The following SACM1L variants were observed in gnomAD, a reference collection of about 807,000 sequenced individuals.
SACM1L encodes phosphatidylinositol-3-phosphatase SAC1.
A neutral mutation model predicts 89.5 loss-of-function variants in SACM1L; 32 were observed. The observed-to-expected ratio is 0.36, with a 90% CI of 0.27 to 0.48. The LOEUF (loss-of-function observed/expected upper bound fraction) is 0.48, where lower values mean the gene tolerates loss of function less well. SACM1L is among the 20% of genes least tolerant of loss of function. The pLI is 0.99. For synonymous variants in SACM1L, 213 were observed against 232.8 expected (o/e 0.92, Z 0.77); for missense variants, 543 against 708.5 (o/e 0.77, Z 2.65).
At chr3:45,691,598 G>GTT (rs58820120) in intron 1 of SACM1L, among the ~76,000 whole-genome samples, 71,505 of 149,922 alleles carry the variant, frequency 0.48, 17,481 homozygotes, top group Middle Eastern at 0.57. Context: ...TGAAATGCTT[G>GTT]TTTTTTTTTT....
intron 4 of SACM1L, among the ~76,000 whole-genome samples, chr3:45,708,054 A>G (rs1473246366): frequency 1.3e-5 from 2 of 149,872 alleles, no homozygotes; most frequent in Non-Finnish European, 2.9e-5. Flanking sequence ...TAATATCTAT[A>G]ACTAATATCT....
chr3:45,730,521 C>G (rs1699026135), intron 11 of SACM1L: 1 of 152,210 alleles, frequency 6.6e-6, no homozygotes, highest in Non-Finnish European at 1.5e-5. Context: ...AATGAGAGAA[C>G]AACCCTGTCC....
In SACM1L at chr3:45,713,165, A is replaced by G. The variant is rs1347922110; in HGVS notation, c.512A>G (p.His171Arg). ...GATCAGCGGTTTGTATGGAATGGTC[A>G]TCTTCTAAGAGAACTTTCTGCACAG... ...RADQRFVWNGHLLRELSAQPE... is the reference protein window; with the variant it reads ...RADQRFVWNGRLLRELSAQPE... Residue 171 changes from histidine (H) to arginine (R), a missense_variant, in exon 6 of 20, where the codon CAT becomes CGT. By Grantham distance (29) the His-to-Arg change is conservative (BLOSUM62 0). Coordinates refer to ENST00000389061, the MANE Select transcript of SACM1L (RefSeq NM_014016.5). 9 of 1,612,792 alleles carry G rather than the reference A, an allele frequency of 5.6e-6. No individual in the cohort carries two copies. The highest frequency in any genetic ancestry group is 4.0e-5 in the African/African-American group (3 of 74,898).
At position 45,722,937 on chromosome 3, in the gene SACM1L, C is replaced by A; in HGVS notation, c.834C>A (p.Ile278=). The A allele has an allele frequency of 6.2e-7, 1 of 1,613,530 alleles. No homozygotes were observed. Among genetic ancestry groups the A allele is most frequent in the East Asian group, 2.2e-5 (1 of 44,842 alleles). ...TCAAGTACAAACCACTGCCACAGATCAGCAAAGTAGCAAATCACGTGTGTA... is the reference window on the plus strand; with the variant it reads ...TCAAGTACAAACCACTGCCACAGATAAGCAAAGTAGCAAATCACGTGTGTA... ...PNLKYKPLPQ[I]SKVANHMDGF... Residue 278 remains isoleucine, a synonymous_variant, in exon 10 of 20, where the codon ATC becomes ATA. Transcript: ENST00000389061.
intron 5 of SACM1L, 71 bp from the exon 6 acceptor site, chr3:45,713,066 G>T: frequency 8.2e-7 from 1 of 1,221,346 alleles, no homozygotes; most frequent in Non-Finnish European, 1.2e-6. Flanking sequence ...GACATTGATT[G>T]GTGTAGTTTT....
intron 8 of SACM1L, 97 bp from the exon 9 acceptor site, chr3:45,721,903 T>C: frequency 1.3e-6 from 1 of 759,924 alleles, no homozygotes; most frequent in Non-Finnish European, 2.2e-6. Flanking sequence ...TAACTTGAAC[T>C]GACTTAATTC....
At position 45,743,866 on chromosome 3, in the gene SACM1L, T is replaced by C. The variant is rs577252554; in HGVS notation, c.*197T>C. The stretch of plus-strand genomic sequence containing the variant: ...ATGGTCTCTTTACTATTGGGACAGT[T>C]AGATTTATAATTTGAAGCTATTCTG... On this transcript the variant is annotated 3_prime_UTR_variant, in exon 20 of 20. Coordinates refer to ENST00000389061, the MANE Select transcript of SACM1L (RefSeq NM_014016.5). 4.4e-4 allele frequency: 196 copies of C among 444,390 alleles called. No individual in the cohort carries two copies. The highest frequency in any genetic ancestry group is 7.4e-4 in the South Asian group (11 of 14,808). 27.5% of individuals were successfully genotyped at this position (444,390 alleles called of 1,614,324 possible).
chr3:45,696,616 C>G (rs111669203), intron 1 of SACM1L, among the ~76,000 whole-genome samples: 1 of 151,912 alleles, frequency 6.6e-6, no homozygotes, highest in Non-Finnish European at 1.5e-5. Flanking sequence ...TCTCCGCATC[C>G]TAGCCAACAC....
chr3:45,739,479 AG>A, intron 18 of SACM1L, 107 bp from the exon 19 acceptor site: 1 of 932,710 alleles, frequency 1.1e-6, no homozygotes, highest in Admixed American at 1.7e-5. Flanking sequence ...GCTGTGTATT[AG>A]CTGACAGATG....
chr3:45,709,644 A>G lies in SACM1L; in HGVS notation c.480A>G (p.Glu160=), dbSNP rs1272734197. The change falls in exon 5 of 20, where the codon GAA becomes GAG. Residue 160 remains glutamate, a synonymous_variant. Transcript: ENST00000389061. ...AATTCCAAGAAATGAGTCTCTTGGA[A>G]AGGGTAAGCTTGATCTTCAATTATT... The part of the protein sequence containing the change: ...SPEFQEMSLL[E]RADQRFVWNG... 6.2e-7 allele frequency: 1 copy of G among 1,611,996 alleles called. No homozygotes were observed. The highest frequency in any genetic ancestry group is 8.5e-7 in the Non-Finnish European group (1 of 1,179,210).
At chr3:45,700,284 A>G (rs972919627) in intron 1 of SACM1L, among the ~76,000 whole-genome samples, 2 of 152,208 alleles carry the variant, frequency 1.3e-5, no homozygotes, top group Non-Finnish European at 2.9e-5. Flanking sequence ...TGGAGAAATA[A>G]ATTATGGCAA....
At chr3:45,691,077 C>T (rs1012510555) in intron 1 of SACM1L, among the ~76,000 whole-genome samples, 14 of 152,160 alleles carry the variant, frequency 9.2e-5, no homozygotes, top group Non-Finnish European at 1.6e-4. Context: ...CAAATCCTCG[C>T]ATACATAAAA....
intron 16 of SACM1L, 90 bp from the exon 17 acceptor site, chr3:45,738,488 T>G: frequency 1.4e-6 from 1 of 728,930 alleles, no homozygotes; most frequent in Non-Finnish European, 2.3e-6. Flanking sequence ...TGTCACTCAC[T>G]TATTTCTATA....
intron 11 of SACM1L, among the ~76,000 whole-genome samples, chr3:45,730,096 T>C (rs1487697210): frequency 6.6e-6 from 1 of 152,160 alleles, no homozygotes; most frequent in African/African-American, 2.4e-5. Context: ...TTTAAAGTCT[T>C]TGTCTAATAA....
intron 1 of SACM1L, among the ~76,000 whole-genome samples, 188 bp from the exon 2 acceptor site, chr3:45,703,250 G>A (rs907681126): frequency 6.6e-6 from 1 of 152,044 alleles, no homozygotes; most frequent in Non-Finnish European, 1.5e-5. Flanking sequence ...TCAAAACCTA[G>A]TCAGCATCAA....
intron 11 of SACM1L, among the ~76,000 whole-genome samples, chr3:45,729,299 A>C (rs1369089582): frequency 1.3e-5 from 2 of 151,786 alleles, no homozygotes; most frequent in South Asian, 4.2e-4. Flanking sequence ...TGGCCAGGCT[A>C]GTCTCGAACT....
At chr3:45,705,430 G>A (rs147575062) in intron 3 of SACM1L, among the ~76,000 whole-genome samples, 30 of 148,366 alleles carry the variant, frequency 2.0e-4, no homozygotes, top group Middle Eastern at 6.9e-3. Flanking sequence ...TTTGTATTTT[G>A]TTGTGTTTCA....
chr3:45,737,983 G>T (rs1699239408), intron 16 of SACM1L, 139 bp downstream of exon 16: 2 of 685,700 alleles, frequency 2.9e-6, no homozygotes, highest in African/African-American at 1.8e-5. Flanking sequence ...GAGACCTGTG[G>T]AGTCAGGATT....
chr3:45,696,344 C>T (rs1698127878), intron 1 of SACM1L, among the ~76,000 whole-genome samples: 1 of 152,130 alleles, frequency 6.6e-6, no homozygotes, highest in Admixed American at 6.6e-5. Context: ...TATGTATGTA[C>T]CACATTTCGT....
Sources: allele counts gnomAD v4.1 joint callset (sites outside exome capture counted in the v4.1 genomes callset), GRCh38; gene constraint gnomAD v4.1.1; transcripts MANE v1.5; gene names NCBI Gene and HGNC (gene_info 2026-07-23, HGNC 2026-07-21).